The following RIN2 variants were observed in gnomAD, a reference collection of about 807,000 sequenced individuals.
The protein encoded by RIN2 is RAB5 interacting protein 2.
RIN2 carries 36 observed loss-of-function variants against 78.0 expected under a neutral mutation model. That is an observed-to-expected ratio of 0.46 (90% confidence interval 0.35 to 0.61). RIN2 has a LOEUF of 0.61. Among genes scored for constraint, RIN2 ranks in the 20% least tolerant of loss-of-function variants. The pLI, the probability that RIN2 is intolerant of heterozygous loss-of-function variation, is 0.00. For missense variants in RIN2, 1,087 were observed against 1,159.7 expected (o/e 0.94, Z 0.91); for synonymous variants, 466 against 466.8 (o/e 1.00, Z 0.02).
At chr20:19,804,038 C>T (rs2035329923) in intron 2 of RIN2, among the ~76,000 whole-genome samples, 1 of 152,202 alleles carries the variant, frequency 6.6e-6, no homozygotes, top group African/African-American at 2.4e-5. Flanking sequence ...GATTTTCCCA[C>T]ATTGATTTTG....
intron 2 of RIN2, among the ~76,000 whole-genome samples, chr20:19,839,057 T>A (rs1240639851): frequency 6.6e-6 from 1 of 152,154 alleles, no homozygotes; most frequent in Admixed American, 6.5e-5. Flanking sequence ...GTTTCTGCAG[T>A]GGGAGGAGCA....
rs1246614644 is a variant in RIN2, at chr20:19,994,540, AT to A, written c.2201-2135del. On this transcript the variant is annotated intron_variant, in intron 11 of 12. Coordinates refer to ENST00000255006, the MANE Select transcript of RIN2 (RefSeq NM_018993.4). ...ATCCACATGTTTCAAAGTGTGGTCA[AT>A]TTTGTGCTTCCAGCATTTGAGTTTT... Among the ~76,000 whole-genome samples, 4 of 152,302 alleles carry A rather than the reference AT, an allele frequency of 2.6e-5. No individual in the cohort carries two copies. In the East Asian group the frequency reaches 7.7e-4, roughly 29 times the overall value.
At chr20:19,892,891 C>T (rs554670669) in intron 3 of RIN2, among the ~76,000 whole-genome samples, 4 of 152,258 alleles carry the variant, frequency 2.6e-5, no homozygotes, top group African/African-American at 9.6e-5. Context: ...GACCCACTGG[C>T]CCTGCTCTGA....
At chr20:19,952,312 G>A (rs529790085) in intron 4 of RIN2, among the ~76,000 whole-genome samples, 11 of 152,212 alleles carry the variant, frequency 7.2e-5, no homozygotes, top group South Asian at 2.1e-4. Context: ...GCCAACACTC[G>A]CAGCAGATGG....
Position 19,975,843 on chromosome 20 carries a change from C to T in RIN2, c.1762+56C>T. The stretch of plus-strand genomic sequence containing the variant: ...CTATTGTAACTCTGTCCGGGCAGTG[C>T]AACCTATGTTTGTTATTTTTTATGA... On this transcript the variant is annotated intron_variant, in intron 9 of 12. Coordinates refer to ENST00000255006, the MANE Select transcript of RIN2 (RefSeq NM_018993.4). This position sits in a 1 kb window ranked among gnomAD's most constrained non-coding sequence, Gnocchi z 4.9. 3 of 1,461,164 alleles carry T rather than the reference C, an allele frequency of 2.1e-6. No individual in the cohort carries two copies. The highest frequency in any genetic ancestry group is 2.8e-6 in the Non-Finnish European group (3 of 1,065,330). The allele number at this position is 1,461,164 out of a possible 1,614,324, so 90.5% of individuals were successfully genotyped here. A position where few individuals can be genotyped will look rare whatever the true frequency, so the allele number is the denominator to read the frequency against.
chr20:19,765,580 C>T (rs1238596212), intron 1 of RIN2, among the ~76,000 whole-genome samples: 1 of 152,188 alleles, frequency 6.6e-6, no homozygotes, highest in African/African-American at 2.4e-5. Context: ...AAGGGCAGGA[C>T]AGTGTGGTCA....
At chr20:19,902,958 T>G (rs545055174) in intron 3 of RIN2, among the ~76,000 whole-genome samples, 1 of 151,960 alleles carries the variant, frequency 6.6e-6, no homozygotes, top group African/African-American at 2.4e-5. Flanking sequence ...CCGGGCATGG[T>G]GGCGGGCCCC....
At chr20:19,828,785 G>T (rs2036170465) in intron 2 of RIN2, among the ~76,000 whole-genome samples, 2 of 152,094 alleles carry the variant, frequency 1.3e-5, no homozygotes, top group African/African-American at 4.8e-5. Context: ...CTGACTCCTA[G>T]GAAGTTCTGC....
chr20:19,931,562 G>T (rs1230994058), intron 3 of RIN2, among the ~76,000 whole-genome samples: 1 of 152,146 alleles, frequency 6.6e-6, no homozygotes, highest in East Asian at 1.9e-4. Flanking sequence ...TACATATTTT[G>T]GGGTGTACAG....
intron 2 of RIN2, among the ~76,000 whole-genome samples, chr20:19,829,812 G>A (rs941504881): frequency 3.1e-4 from 47 of 152,124 alleles, no homozygotes; most frequent in Middle Eastern, 3.2e-3. Context: ...ACCCCCTCAG[G>A]GCTGCTGCTC....
At chr20:19,778,611 A>G (rs965722631) in intron 1 of RIN2, among the ~76,000 whole-genome samples, 1 of 152,236 alleles carries the variant, frequency 6.6e-6, no homozygotes, top group Non-Finnish European at 1.5e-5. Context: ...TAGACTTTCC[A>G]TGACACATCC....
chr20:19,951,846 G>A (rs2041329598), intron 4 of RIN2, among the ~76,000 whole-genome samples: 1 of 152,096 alleles, frequency 6.6e-6, no homozygotes, highest in African/African-American at 2.4e-5. Context: ...TGTTTTTATT[G>A]GAATCTCCTG....
chr20:19,875,338 C>CT (rs952389968), intron 2 of RIN2, among the ~76,000 whole-genome samples: 4 of 151,560 alleles, frequency 2.6e-5, no homozygotes, highest in South Asian at 2.1e-4. Context: ...TTTGTATTTT[C>CT]TTTTTTTTAG....
chr20:19,843,361 G>A, intron 2 of RIN2, among the ~76,000 whole-genome samples: 1 of 152,000 alleles, frequency 6.6e-6, no homozygotes, highest in African/African-American at 2.4e-5. Flanking sequence ...GTCAATCAAT[G>A]TGACAAACAT....
chr20:19,808,194 C>T (rs765615905), intron 2 of RIN2, among the ~76,000 whole-genome samples: 18 of 152,212 alleles, frequency 1.2e-4, no homozygotes, highest in Non-Finnish European at 2.1e-4. Flanking sequence ...TTATGCGTGC[C>T]GTTAAGATGC....
At chr20:19,900,468 G>A (rs919804935) in intron 3 of RIN2, among the ~76,000 whole-genome samples, 2 of 150,908 alleles carry the variant, frequency 1.3e-5, no homozygotes, top group Admixed American at 6.6e-5. Context: ...GGGCAACAGA[G>A]TCTCAAAATA....
intron 2 of RIN2, among the ~76,000 whole-genome samples, chr20:19,810,979 G>A (rs577539673): frequency 6.6e-6 from 1 of 151,656 alleles, no homozygotes. Flanking sequence ...CCAAAGTGCT[G>A]GGATTACAGG....
intron 3 of RIN2, among the ~76,000 whole-genome samples, chr20:19,893,709 A>G (rs530335167): frequency 6.2e-4 from 95 of 152,302 alleles, no homozygotes; most frequent in African/African-American, 2.2e-3. Context: ...CCCATTTTCC[A>G]GGCACTCACA....
chr20:19,969,732 T>C (rs2042046126), intron 7 of RIN2, among the ~76,000 whole-genome samples: 1 of 152,082 alleles, frequency 6.6e-6, no homozygotes, highest in Non-Finnish European at 1.5e-5. Context: ...GAATGAATAA[T>C]TATTTCTTTG....
Sources: gnomAD v4.1 joint callset for allele counts (sites outside exome capture counted in the v4.1 genomes callset) on GRCh38, gnomAD v4.1.1 for gene constraint, Gnocchi (gnomAD v3.1) non-coding constraint, MANE v1.5 for transcripts, NCBI Gene and HGNC (gene_info 2026-07-23, HGNC 2026-07-21) for gene names.